Variants in TSHZ2 observed in about 807,000 individuals in gnomAD.
TSHZ2 encodes the protein teashirt homolog 2.
In TSHZ2, 21 loss-of-function variants were observed where a neutral mutation model predicts 74.4. That is an observed-to-expected ratio of 0.28 (90% CI 0.20 to 0.41). The LOEUF (loss-of-function observed/expected upper bound fraction) is 0.41. Among genes scored for constraint, TSHZ2 ranks in the 10% least tolerant of loss-of-function variants. The pLI, the probability that TSHZ2 is intolerant of heterozygous loss-of-function variation, is 1.00. For synonymous variants in TSHZ2, 540 were observed against 515.3 expected (o/e 1.05, Z -0.65); for missense variants, 1,244 against 1,293.5 (o/e 0.96, Z 0.59).
rs2123724031 is a variant in TSHZ2 at position 53,254,789 on chromosome 20, A to G, written c.1331A>G (p.Lys444Arg). 1 of 1,613,494 alleles carries G rather than the reference A, an allele frequency of 6.2e-7. No individual in the cohort carries two copies. Among genetic ancestry groups the G allele is most frequent in the Non-Finnish European group, 8.5e-7 (1 of 1,179,602 alleles). The change falls in exon 2 of 3, where the codon AAG (lysine) becomes AGG (arginine). Residue 444 changes from lysine to arginine, a missense_variant. This residue lies in a region of TSHZ2 where 562 missense variants were observed against 544.0 expected (regional missense o/e 1.03). Transcript: ENST00000371497. ...EAPNSDSLAP[K>R]PSSNSASDCT... ...CCAAACAGTGATTCTCTGGCTCCCAAGCCATCCAGTAACTCAGCATCAGAT... is the reference window on the plus strand; with the variant it reads ...CCAAACAGTGATTCTCTGGCTCCCAGGCCATCCAGTAACTCAGCATCAGAT...
At chr20:53,308,656 T>G (rs537775732) in intron 2 of TSHZ2, among the ~76,000 whole-genome samples, 1 of 152,330 alleles carries the variant, frequency 6.6e-6, no homozygotes, top group South Asian at 2.1e-4. Context: ...TTAAAAAGAC[T>G]TTATTGTGTC....
At chr20:53,193,497 T>G (rs1233008120) in intron 1 of TSHZ2, among the ~76,000 whole-genome samples, 1 of 152,202 alleles carries the variant, frequency 6.6e-6, no homozygotes, top group Non-Finnish European at 1.5e-5. Context: ...CTCTCTTTTG[T>G]ATGTTGTCTC....
intron 1 of TSHZ2, among the ~76,000 whole-genome samples, chr20:53,012,356 C>T (rs1982880303): frequency 6.6e-6 from 1 of 152,162 alleles, no homozygotes; most frequent in African/African-American, 2.4e-5. Flanking sequence ...TGTTCCATCT[C>T]CTCGCTACTC....
chr20:53,226,601 T>C (rs561679450), intron 1 of TSHZ2, among the ~76,000 whole-genome samples: 1 of 152,334 alleles, frequency 6.6e-6, no homozygotes, highest in African/African-American at 2.4e-5. Flanking sequence ...GAAGTTAGGA[T>C]ACCATATTAA....
chr20:53,372,257 C>A lies in TSHZ2; in HGVS notation c.*9-114887C>A, dbSNP rs556729866. 3.9e-5 allele frequency among the ~76,000 whole-genome samples: 6 copies of A among 152,294 alleles called. No homozygotes were observed. The East Asian group carries it at 1.2e-3, about 29-fold the overall frequency. ...TTGGGAAGTCAAGGCAGGCGGACCA[C>A]TTGAGGTCAGAAGTTTGCGACCAGC... On this transcript the variant is annotated intron_variant, in intron 2 of 2. Coordinates refer to ENST00000371497, the MANE Select transcript of TSHZ2 (RefSeq NM_173485.6).
At chr20:53,228,667 A>G (rs1006551654) in intron 1 of TSHZ2, among the ~76,000 whole-genome samples, 1,786 of 127,068 alleles carry the variant, frequency 0.014, 44 homozygotes, top group African/African-American at 0.053. Flanking sequence ...CCACCTCCCG[A>G]GTTGAGACAA....
intron 1 of TSHZ2, among the ~76,000 whole-genome samples, chr20:53,230,752 C>T (rs1989805255): frequency 6.6e-6 from 1 of 151,716 alleles, no homozygotes. Context: ...ATTAGCTGGG[C>T]GTGGTGGTGG....
chr20:53,403,844 G>T (rs1193692121), intron 2 of TSHZ2, among the ~76,000 whole-genome samples: 1 of 152,208 alleles, frequency 6.6e-6, no homozygotes, highest in African/African-American at 2.4e-5. Flanking sequence ...TTCTGGCACA[G>T]TTTGGCTTCT....
chr20:53,373,293 G>A lies in TSHZ2; in HGVS notation c.*9-113851G>A, dbSNP rs111483915. Among the ~76,000 whole-genome samples, 646 of 152,274 alleles carry A rather than the reference G, an allele frequency of 4.2e-3. 2 individuals carry two copies. Among genetic ancestry groups the A allele is most frequent in the African/African-American group, 0.014 (587 of 41,542 alleles). On this transcript the variant is annotated intron_variant, in intron 2 of 2. Transcript: ENST00000371497. ...TAAAATCACCCTCTGTGCTCTAAGA[G>A]GAATGATAAATTATGAAGAAAATAT...
chr20:53,212,772 G>T (rs1281934004), intron 1 of TSHZ2, among the ~76,000 whole-genome samples: 1 of 152,198 alleles, frequency 6.6e-6, no homozygotes, highest in East Asian at 1.9e-4. Context: ...TTGAGAACCA[G>T]CAGGAAAGGA....
At chr20:53,064,794 A>G (rs964120360) in intron 1 of TSHZ2, among the ~76,000 whole-genome samples, 12 of 152,132 alleles carry the variant, frequency 7.9e-5, no homozygotes, top group African/African-American at 1.9e-4. Flanking sequence ...AAGAAAGTCT[A>G]TGTGTGGATA....
chr20:53,225,263 C>A (rs576350197), intron 1 of TSHZ2, among the ~76,000 whole-genome samples: 1 of 152,328 alleles, frequency 6.6e-6, no homozygotes, highest in Non-Finnish European at 1.5e-5. Context: ...CACTCACCTC[C>A]TCCCATACTT....
At chr20:53,356,740 A>AC (rs1980860843) in intron 2 of TSHZ2, among the ~76,000 whole-genome samples, 1 of 152,156 alleles carries the variant, frequency 6.6e-6, no homozygotes, top group African/African-American at 2.4e-5. Context: ...TCCTTGATTT[A>AC]CCAGCAGCCA....
intron 2 of TSHZ2, among the ~76,000 whole-genome samples, chr20:53,351,799 C>T (rs1980655878): frequency 6.6e-6 from 1 of 152,176 alleles, no homozygotes; most frequent in Non-Finnish European, 1.5e-5. Context: ...AGACATCTTC[C>T]TCAAGGAGGA....
intron 2 of TSHZ2, among the ~76,000 whole-genome samples, chr20:53,275,850 C>A (rs911745850): frequency 6.6e-6 from 1 of 152,160 alleles, no homozygotes; most frequent in African/African-American, 2.4e-5. Flanking sequence ...TCGCTTGAAC[C>A]AGGAAGGTGG....
At chr20:53,149,787 T>C (rs1987631901) in intron 1 of TSHZ2, among the ~76,000 whole-genome samples, 1 of 152,216 alleles carries the variant, frequency 6.6e-6, no homozygotes, top group African/African-American at 2.4e-5. Context: ...GAGGCAAAAC[T>C]GAGACCTGCT....
chr20:53,416,227 C>G (rs920350760), intron 2 of TSHZ2, among the ~76,000 whole-genome samples: 2 of 152,110 alleles, frequency 1.3e-5, no homozygotes, highest in African/African-American at 4.8e-5. Context: ...CCCCAGAGGG[C>G]GATTTGGGTG....
At chr20:53,277,735 T>A (rs1233242971) in intron 2 of TSHZ2, among the ~76,000 whole-genome samples, 8 of 152,190 alleles carry the variant, frequency 5.3e-5, no homozygotes, top group Non-Finnish European at 1.5e-5. Flanking sequence ...CAGCCGGGAA[T>A]AAGGAAAGCA....
chr20:53,004,965 C>A (rs913594840), intron 1 of TSHZ2, among the ~76,000 whole-genome samples: 2 of 152,042 alleles, frequency 1.3e-5, no homozygotes, highest in Non-Finnish European at 2.9e-5. Context: ...ATAATAGAAT[C>A]GTGGGAGTCA....
Sources: allele counts gnomAD v4.1 joint callset (sites outside exome capture counted in the v4.1 genomes callset), GRCh38; gene constraint gnomAD v4.1.1; regional missense constraint gnomAD v4.1.1; transcripts MANE v1.5; gene names NCBI Gene and HGNC (gene_info 2026-07-23, HGNC 2026-07-21).